Variants in DISP1 observed in about 807,000 individuals in gnomAD.
The protein encoded by DISP1 is dispatched RND transporter family member 1, also known as protein dispatched homolog 1.
Under a neutral mutation model 37.3 loss-of-function variants are expected in DISP1, and 30 were observed. The observed-to-expected ratio is 0.80, with a 90% CI of 0.60 to 1.09. The LOEUF (loss-of-function observed/expected upper bound fraction) is 1.09, where lower values mean the gene tolerates loss of function less well. DISP1 is among the 50% of genes least tolerant of loss of function. The pLI, the probability that DISP1 is intolerant of heterozygous loss-of-function variation, is 0.00. For missense variants in DISP1, 1,598 were observed against 1,879.5 expected, an observed-to-expected ratio of 0.85 and a Z score of 2.77; for synonymous variants, 634 against 690.2, an observed-to-expected ratio of 0.92 and a Z score of 1.28.
At chr1:222,865,842 A>G in intron 1 of DISP1, among the ~76,000 whole-genome samples, 1 of 152,172 alleles carries the variant, frequency 6.6e-6, no homozygotes, top group East Asian at 1.9e-4. Context: ...AGAGGCGGGT[A>G]TATTTGGCAT....
intron 3 of DISP1, among the ~76,000 whole-genome samples, chr1:222,948,558 A>C (rs1273304030): frequency 6.6e-6 from 1 of 152,188 alleles, no homozygotes; most frequent in Non-Finnish European, 1.5e-5. Context: ...TACTGTAACA[A>C]AGGTTCTAGA....
Position 222,984,839 on chromosome 1 carries a change from T to C in DISP1, c.539+1730T>C, listed in dbSNP as rs139542632. ...AGCAACCATCATTCTGCTTTCTGTC[T>C]CTATGGGTTTGACTGCTGTAAGTAC... On this transcript the variant is annotated intron_variant, in intron 4 of 8. Transcript: ENST00000675850. Among the ~76,000 whole-genome samples, 53 of 152,280 alleles carry C rather than the reference T, an allele frequency of 3.5e-4. No homozygotes were observed. The East Asian group carries it at 9.5e-3, about 27-fold the overall frequency.
intron 1 of DISP1, among the ~76,000 whole-genome samples, chr1:222,910,541 G>T (rs1357368089): frequency 6.6e-6 from 1 of 152,166 alleles, no homozygotes; most frequent in African/African-American, 2.4e-5. Flanking sequence ...AAATAATAGT[G>T]AAATTGATTG....
At chr1:222,847,128 G>A (rs995010951) in intron 1 of DISP1, among the ~76,000 whole-genome samples, 6 of 152,092 alleles carry the variant, frequency 3.9e-5, no homozygotes, top group Admixed American at 3.9e-4. Flanking sequence ...AGGTAAAACT[G>A]TATTATCCTT....
chr1:222,958,698 A>G (rs1675806321), intron 3 of DISP1, among the ~76,000 whole-genome samples: 1 of 152,204 alleles, frequency 6.6e-6, no homozygotes, highest in Non-Finnish European at 1.5e-5. Flanking sequence ...GATTTAAAAG[A>G]AAAGCAATTC....
chr1:222,973,400 TTA>T (rs1339124592), intron 3 of DISP1, among the ~76,000 whole-genome samples: 4 of 152,204 alleles, frequency 2.6e-5, no homozygotes, highest in Non-Finnish European at 5.9e-5. Context: ...TATTTTGTAT[TTA>T]GTTTTCTTTT....
At chr1:222,937,545 G>A (rs1674043792) in intron 2 of DISP1, among the ~76,000 whole-genome samples, 1 of 152,102 alleles carries the variant, frequency 6.6e-6, no homozygotes, top group Non-Finnish European at 1.5e-5. Context: ...CATTCTCATA[G>A]TAATCCTATG....
chr1:222,864,609 G>A (rs1212050345), intron 1 of DISP1, among the ~76,000 whole-genome samples: 5 of 151,688 alleles, frequency 3.3e-5, no homozygotes, highest in Non-Finnish European at 7.4e-5. Context: ...TTTTGTTTTT[G>A]TTTTAAAAAA....
intron 1 of DISP1, chr1:222,835,095 A>G (rs1390010083): frequency 6.6e-6 from 1 of 152,152 alleles, no homozygotes; most frequent in East Asian, 1.9e-4. Flanking sequence ...TAGACTAAAT[A>G]TATATTATGT....
chr1:222,957,261 C>G (rs1220842780), intron 3 of DISP1, among the ~76,000 whole-genome samples: 2 of 151,962 alleles, frequency 1.3e-5, no homozygotes, highest in Non-Finnish European at 2.9e-5. Flanking sequence ...TTTCTTCTCC[C>G]CCTGATAAGT....
intron 3 of DISP1, among the ~76,000 whole-genome samples, chr1:222,953,006 A>G (rs74145601): frequency 0.016 from 2,396 of 152,334 alleles, 68 homozygotes; most frequent in African/African-American, 0.055. Flanking sequence ...GTCAAAAACT[A>G]TCATCTTATT....
At chr1:222,856,849 G>A (rs1343662010) in intron 1 of DISP1, among the ~76,000 whole-genome samples, 2 of 151,784 alleles carry the variant, frequency 1.3e-5, no homozygotes, top group African/African-American at 4.8e-5. Context: ...GATTACAGGT[G>A]CATGCCACCA....
chr1:222,895,632 T>A (rs1315713356), intron 1 of DISP1, among the ~76,000 whole-genome samples: 2 of 152,174 alleles, frequency 1.3e-5, no homozygotes, highest in Non-Finnish European at 2.9e-5. Flanking sequence ...TGGAACAGAA[T>A]AAAGAGTCCT....
chr1:222,990,550 G>A, intron 4 of DISP1, 75 bp from the exon 5 acceptor site: 1 of 1,611,116 alleles, frequency 6.2e-7, no homozygotes, highest in South Asian at 1.1e-5. Flanking sequence ...TTTCTGCGAA[G>A]GGCCTTCTTT....
At chr1:222,957,612 A>G (rs1675706718) in intron 3 of DISP1, among the ~76,000 whole-genome samples, 1 of 152,090 alleles carries the variant, frequency 6.6e-6, no homozygotes, top group African/African-American at 2.4e-5. Flanking sequence ...AAAATAAAAT[A>G]AAGGGATTTC....
rs755807282 is a variant in DISP1 at position 223,003,549 on chromosome 1, C to T, written c.2152C>T (p.Arg718Cys). The T allele has an allele frequency of 2.9e-5, 47 of 1,614,044 alleles. No individual in the cohort carries two copies. The highest frequency in any genetic ancestry group is 6.6e-5 in the South Asian group (6 of 91,088). ...KVLPCIVIKF[R>C]YLWLFWFLAL... ...ATTGCCATGCATTGTCATTAAGTTT[C>T]GCTACCTTTGGCTGTTTTGGTTCCT... is the stretch of plus-strand genomic sequence containing the variant. The change falls in exon 9 of 9, where the codon CGC becomes TGC. Residue 718 changes from arginine to cysteine, a missense_variant. By Grantham distance (180) the Arg-to-Cys change is radical. Coordinates refer to ENST00000675850, the MANE Select transcript of DISP1 (RefSeq NM_001377229.1). This position sits in a 1 kb window ranked among gnomAD's most constrained non-coding sequence, Gnocchi z 4.3.
chr1:222,848,111 T>G (rs1378942607), intron 1 of DISP1, among the ~76,000 whole-genome samples: 2 of 152,202 alleles, frequency 1.3e-5, no homozygotes, highest in South Asian at 2.1e-4. Context: ...ACATTCATAT[T>G]GATTGATTTA....
intron 3 of DISP1, among the ~76,000 whole-genome samples, chr1:222,948,626 C>G (rs1437049094): frequency 6.6e-6 from 1 of 152,070 alleles, no homozygotes; most frequent in Non-Finnish European, 1.5e-5. Context: ...TGGTTTATTG[C>G]TATGTAATTT....
intron 7 of DISP1, among the ~76,000 whole-genome samples, chr1:222,994,135 A>C (rs1678892569): frequency 3.9e-5 from 6 of 152,178 alleles, no homozygotes; most frequent in Admixed American, 3.9e-4. Context: ...TAATTCTCAC[A>C]GCTATTTGAG....
Sources: allele counts gnomAD v4.1 joint callset (sites outside exome capture counted in the v4.1 genomes callset), GRCh38; gene constraint gnomAD v4.1.1; non-coding constraint Gnocchi (gnomAD v3.1); transcripts MANE v1.5; gene names NCBI Gene and HGNC (gene_info 2026-07-23, HGNC 2026-07-21).